CSMD3: variants seen among roughly 807,000 people sequenced by gnomAD.
CSMD3 encodes the protein CUB and Sushi multiple domains 3.
In CSMD3, 177 loss-of-function variants were observed where a neutral mutation model predicts 435.2. The observed-to-expected ratio is 0.41, with a 90% CI of 0.36 to 0.46. The LOEUF is 0.46. CSMD3 is among the 20% of genes least tolerant of loss of function. The probability of loss-of-function intolerance (pLI) is 0.34; values close to 1 mark genes in which losing one functional copy is unlikely to be tolerated. For synonymous variants in CSMD3, 1,656 were observed against 1,520.5 expected, an observed-to-expected ratio of 1.09 and a Z score of -2.07; for missense variants, 4,265 against 4,504.6, an observed-to-expected ratio of 0.95 and a Z score of 1.52.
At chr8:112,881,708 CT>C (rs2081452559) in intron 10 of CSMD3, among the ~76,000 whole-genome samples, 2 of 151,896 alleles carry the variant, frequency 1.3e-5, no homozygotes, top group African/African-American at 4.8e-5. Context: ...TCATTAGAAA[CT>C]TTTTCCTGCT....
intron 36 of CSMD3, among the ~76,000 whole-genome samples, chr8:112,384,242 CA>C (rs993503541): frequency 1.3e-5 from 2 of 151,738 alleles, no homozygotes; most frequent in Non-Finnish European, 2.9e-5. Context: ...ATGGATGACA[CA>C]AAAAAATGAT....
At chr8:113,032,622 T>C (rs1182729009) in intron 5 of CSMD3, among the ~76,000 whole-genome samples, 2 of 151,600 alleles carry the variant, frequency 1.3e-5, no homozygotes, top group Non-Finnish European at 3.0e-5. Flanking sequence ...AAAAGGAAAG[T>C]AAAGCATAAA....
At chr8:113,253,599 T>C (rs1418999510) in intron 3 of CSMD3, among the ~76,000 whole-genome samples, 4 of 152,186 alleles carry the variant, frequency 2.6e-5, no homozygotes, top group African/African-American at 9.6e-5. Context: ...CCCAGCACTT[T>C]GGTAGGCCGA....
At chr8:112,927,676 T>G (rs986267578) in intron 9 of CSMD3, among the ~76,000 whole-genome samples, 4 of 152,268 alleles carry the variant, frequency 2.6e-5, no homozygotes, top group Non-Finnish European at 5.9e-5. Flanking sequence ...GTATTTCATC[T>G]CATACCAAAA....
chr8:113,111,359 C>T (rs115882317), intron 4 of CSMD3, among the ~76,000 whole-genome samples: 6 of 152,090 alleles, frequency 3.9e-5, no homozygotes, highest in Non-Finnish European at 8.8e-5. Flanking sequence ...GGAGATGAGA[C>T]ATTTGAAATT....
chr8:113,154,503 T>G (rs2091894668), intron 4 of CSMD3, among the ~76,000 whole-genome samples: 1 of 152,036 alleles, frequency 6.6e-6, no homozygotes, highest in African/African-American at 2.4e-5. Context: ...ATTGAGTAAC[T>G]ACTATGGGAT....
At chr8:113,126,930 T>C (rs1473134717) in intron 4 of CSMD3, among the ~76,000 whole-genome samples, 1 of 151,930 alleles carries the variant, frequency 6.6e-6, no homozygotes, top group African/African-American at 2.4e-5. Flanking sequence ...TCCCCTCTTG[T>C]TTTTTTCATT....
rs1307239430 is a variant in CSMD3, at chr8:112,228,822, A to G, written c.10898T>C (p.Ile3633Thr). ...TGCAAAAAAAGGCACAAGAATAGCA[A>G]TGGCTACAGAACTACTATTTGTACC... Reference protein sequence around the residue: ...PHGTNSSSVAIAILVPFFALI... With the variant: ...PHGTNSSSVATAILVPFFALI... Residue 3633 changes from isoleucine to threonine, a missense_variant, in exon 70 of 71, where the codon ATT becomes ACT. Transcript: ENST00000297405. 2 of 1,590,572 alleles carry G rather than the reference A, an allele frequency of 1.3e-6. No homozygotes were observed. Among genetic ancestry groups the G allele is most frequent in the Admixed American group, 3.3e-5 (2 of 59,990 alleles).
chr8:112,855,948 T>C (rs1285110427), intron 11 of CSMD3, among the ~76,000 whole-genome samples: 1 of 151,814 alleles, frequency 6.6e-6, no homozygotes, highest in Non-Finnish European at 1.5e-5. Context: ...AAGTAATATA[T>C]GATTATCTTT....
intron 22 of CSMD3, among the ~76,000 whole-genome samples, chr8:112,626,001 A>C (rs190761996): frequency 6.6e-6 from 1 of 152,146 alleles, no homozygotes. Context: ...ACATTTTATT[A>C]TTTCCATGGC....
At chr8:112,678,604 G>T (rs1423234322) in intron 16 of CSMD3, among the ~76,000 whole-genome samples, 1 of 152,068 alleles carries the variant, frequency 6.6e-6, no homozygotes, top group Non-Finnish European at 1.5e-5. Flanking sequence ...GTGGATTGAG[G>T]TTCTGAGTTT....
chr8:113,194,357 G>T (rs1200878915), intron 3 of CSMD3, among the ~76,000 whole-genome samples: 1 of 151,142 alleles, frequency 6.6e-6, no homozygotes, highest in African/African-American at 2.4e-5. Context: ...AACACACAGA[G>T]TGTACTCAAC....
At chr8:112,616,465 T>C (rs908203768) in intron 22 of CSMD3, among the ~76,000 whole-genome samples, 1 of 152,142 alleles carries the variant, frequency 6.6e-6, no homozygotes, top group African/African-American at 2.4e-5. Context: ...ATTGAATGCT[T>C]GAATTCAGAA....
intron 26 of CSMD3, 127 bp from the exon 27 acceptor site, chr8:112,551,000 C>T: frequency 1.4e-6 from 1 of 690,976 alleles, no homozygotes. Flanking sequence ...AAATGAATTA[C>T]ATAAACAGCA....
chr8:112,251,750 C>T (rs1815281395), intron 63 of CSMD3, among the ~76,000 whole-genome samples: 1 of 151,566 alleles, frequency 6.6e-6, no homozygotes, highest in African/African-American at 2.4e-5. Context: ...GTAACAAGCC[C>T]TAAATCCAAA....
intron 22 of CSMD3, among the ~76,000 whole-genome samples, chr8:112,615,151 C>G (rs549694651): frequency 6.6e-6 from 1 of 152,192 alleles, no homozygotes; most frequent in East Asian, 1.9e-4. Flanking sequence ...AAATTTTGAG[C>G]TAAACTTGGA....
chr8:112,296,420 A>T lies in CSMD3; in HGVS notation c.8441-414T>A, dbSNP rs578034831. On this transcript the variant is annotated intron_variant, in intron 53 of 70. Coordinates refer to ENST00000297405, the MANE Select transcript of CSMD3 (RefSeq NM_198123.2). The stretch of plus-strand genomic sequence containing the variant: ...CAAAAAATTAGCCAGGCATGGTGGC[A>T]GGCGCCTGTAGTCCCAGCTTCTCGG... 9.2e-5 allele frequency among the ~76,000 whole-genome samples: 14 copies of T among 152,024 alleles called. No homozygotes were observed. The South Asian group carries it at 2.9e-3, about 32-fold the overall frequency.
chr8:112,385,441 C>G (rs1351607412), intron 36 of CSMD3, among the ~76,000 whole-genome samples: 1 of 152,184 alleles, frequency 6.6e-6, no homozygotes, highest in Non-Finnish European at 1.5e-5. Context: ...CTATGCACTT[C>G]AAGACGTGGT....
chr8:113,063,549 T>C (rs963743702), intron 5 of CSMD3, among the ~76,000 whole-genome samples: 2 of 151,946 alleles, frequency 1.3e-5, no homozygotes, highest in African/African-American at 4.8e-5. Flanking sequence ...CCTTTGAAAA[T>C]TAAAACTCTG....
Sources: gnomAD v4.1 joint callset for allele counts (sites outside exome capture counted in the v4.1 genomes callset) on GRCh38, gnomAD v4.1.1 for gene constraint, MANE v1.5 for transcripts, NCBI Gene and HGNC (gene_info 2026-07-23, HGNC 2026-07-21) for gene names.